PIEZO2: variants seen among roughly 807,000 people sequenced by gnomAD.
PIEZO2 encodes the protein piezo-type mechanosensitive ion channel component 2.
PIEZO2 carries 172 observed loss-of-function variants against 337.3 expected under a neutral mutation model. That is an observed-to-expected ratio of 0.51 (90% confidence interval 0.45 to 0.58). The LOEUF (loss-of-function observed/expected upper bound fraction) is 0.58. Among genes scored for constraint, PIEZO2 ranks in the 20% least tolerant of loss-of-function variants. The pLI, the probability that PIEZO2 is intolerant of heterozygous loss-of-function variation, is 0.00. For synonymous variants in PIEZO2, 1,251 were observed against 1,228.5 expected (o/e 1.02, Z -0.38); for missense variants, 3,028 against 3,391.3 (o/e 0.89, Z 2.66).
intron 2 of PIEZO2, among the ~76,000 whole-genome samples, chr18:11,059,989 T>G (rs1223799590): frequency 6.6e-6 from 1 of 152,134 alleles, no homozygotes; most frequent in Non-Finnish European, 1.5e-5. Context: ...TATTCCAAAA[T>G]TGACCACATA....
At chr18:10,896,888 T>G (rs2042916393) in intron 4 of PIEZO2, among the ~76,000 whole-genome samples, 1 of 152,230 alleles carries the variant, frequency 6.6e-6, no homozygotes, top group Non-Finnish European at 1.5e-5. Flanking sequence ...AGGTGTGGTA[T>G]GCAGGATTGT....
In PIEZO2 at chr18:11,149,129, G is replaced by T. The variant is rs886563483; in HGVS notation, c.-541C>A. Among the ~76,000 whole-genome samples, 1 of 152,114 alleles carries T rather than the reference G, an allele frequency of 6.6e-6. No homozygotes were observed. The highest frequency in any genetic ancestry group is 2.4e-5 in the African/African-American group (1 of 41,448). On this transcript the variant is annotated 5_prime_UTR_variant, in exon 1 of 56. Coordinates refer to ENST00000674853, the MANE Select transcript of PIEZO2 (RefSeq NM_001378183.1). This position sits in a 1 kb window ranked among gnomAD's most constrained non-coding sequence, Gnocchi z 8.7. ...ACGCAGGCTGCCGCGCTCTGGCCTC[G>T]GCCCCGGCTCTCGGAGCTGCCCGGC...
At chr18:10,852,668 T>C (rs1802182952) in intron 7 of PIEZO2, among the ~76,000 whole-genome samples, 1 of 152,182 alleles carries the variant, frequency 6.6e-6, no homozygotes, top group Admixed American at 6.5e-5. Context: ...ATGGTAATAA[T>C]ATTCATGTTC....
Position 11,031,230 on chromosome 18 carries a change from A to C in PIEZO2, c.160+34897T>G, listed in dbSNP as rs2036727205. 6.7e-6 allele frequency among the ~76,000 whole-genome samples: 1 copy of C among 149,944 alleles called. No homozygotes were observed. The highest frequency in any genetic ancestry group is 1.5e-5 in the Non-Finnish European group (1 of 67,664). ...TAGCCAGGATGGTCTCAATCTCCTG[A>C]CCTCGTGATCCACCCACCTCAGCCT... On this transcript the variant is annotated intron_variant, in intron 2 of 55. Transcript: ENST00000674853. The surrounding 1 kb of genome is among the most constrained non-coding windows in gnomAD (Gnocchi z 4.7).
chr18:10,824,024 C>G lies in PIEZO2; in HGVS notation c.918-16750G>C, dbSNP rs1461055286. The stretch of plus-strand genomic sequence containing the variant: ...GCCTTATCCTAAGGTCAGTGTATAT[C>G]ATTCCCATGAATATTTAACTCACTT... On this transcript the variant is annotated intron_variant, in intron 7 of 55. Coordinates refer to ENST00000674853, the MANE Select transcript of PIEZO2 (RefSeq NM_001378183.1). The surrounding 1 kb of genome is among the most constrained non-coding windows in gnomAD (Gnocchi z 4.4). 6.6e-6 allele frequency among the ~76,000 whole-genome samples: 1 copy of G among 152,200 alleles called. No homozygotes were observed. The highest frequency in any genetic ancestry group is 2.4e-5 in the African/African-American group (1 of 41,456).
intron 35 of PIEZO2, among the ~76,000 whole-genome samples, chr18:10,734,321 G>T (rs1051136998): frequency 5.9e-5 from 9 of 152,206 alleles, no homozygotes; most frequent in African/African-American, 2.2e-4. Context: ...GGTGTGGATG[G>T]TGCTACTCAA....
At position 11,143,633 on chromosome 18, in the gene PIEZO2, A is replaced by ACTCTCTCTCT. The variant is rs1380540646; in HGVS notation, c.64+4891_64+4892insAGAGAGAGAG. On this transcript the variant is annotated intron_variant, in intron 1 of 55. Transcript: ENST00000674853. This position sits in a 1 kb window ranked among gnomAD's most constrained non-coding sequence, Gnocchi z 4.9. ...CACACACACACACACACACACACAC[A>ACTCTCTCTCT]CACACACTCTCTCTCTCTCTCTCTC... Among the ~76,000 whole-genome samples, 2 of 68,926 alleles carry ACTCTCTCTCT rather than the reference A, an allele frequency of 2.9e-5. No individual in the cohort carries two copies. Among genetic ancestry groups the ACTCTCTCTCT allele is most frequent in the African/African-American group, 1.6e-4 (2 of 12,374 alleles). 45.2% of individuals were successfully genotyped at this position (68,926 alleles called of 152,430 possible). A position where few individuals can be genotyped will look rare whatever the true frequency, so the allele number is the denominator to read the frequency against.
intron 54 of PIEZO2, among the ~76,000 whole-genome samples, chr18:10,674,383 C>T (rs560511127): frequency 3.4e-4 from 52 of 152,356 alleles, no homozygotes; most frequent in South Asian, 1.9e-3. Context: ...CTTCTTAATG[C>T]GTCTTGCAAA....
At position 10,762,571 on chromosome 18, in the gene PIEZO2, A is replaced by G. The variant is rs190286971; in HGVS notation, c.3178T>C (p.Tyr1060His). The change falls in exon 23 of 56, where the codon TAC (tyrosine) becomes CAC (histidine). Residue 1060 changes from tyrosine to histidine, a missense_variant. This residue lies in a region of PIEZO2 where 1,925 missense variants were observed against 2,051.9 expected (regional missense o/e 0.94). Coordinates refer to ENST00000674853, the MANE Select transcript of PIEZO2 (RefSeq NM_001378183.1). Reference protein sequence around the residue: ...PFNELNKSLLYSAPIDPTEWV... With the variant: ...PFNELNKSLLHSAPIDPTEWV... ...TCTGTAGGATCGATAGGAGCGCTGT[A>G]GAGCAGAGACTTGTTCAACTCATTA... 1.3e-6 allele frequency: 2 copies of G among 1,537,526 alleles called. No homozygotes were observed. Among genetic ancestry groups the G allele is most frequent in the Non-Finnish European group, 1.7e-6 (2 of 1,146,952 alleles).
intron 4 of PIEZO2, among the ~76,000 whole-genome samples, chr18:10,879,804 A>G (rs2042365984): frequency 6.6e-6 from 1 of 152,206 alleles, no homozygotes; most frequent in African/African-American, 2.4e-5. Context: ...GTCCATAAAG[A>G]GGAGACTAGG....
At chr18:10,741,209 A>G in intron 32 of PIEZO2, 107 bp from the exon 33 acceptor site, 1 of 944,276 alleles carries the variant, frequency 1.1e-6, no homozygotes, top group Non-Finnish European at 1.5e-6. Flanking sequence ...TTGCAAAAGT[A>G]TATCAGAGGT....
At chr18:10,684,047 ACCCT>A (rs796883471) in intron 49 of PIEZO2, among the ~76,000 whole-genome samples, 10 of 106,020 alleles carry the variant, frequency 9.4e-5, no homozygotes, top group African/African-American at 2.5e-4. Context: ...CCTTCCTCCT[ACCCT>A]CCCTCCCTCC....
chr18:11,138,593 C>T (rs1328732970), intron 1 of PIEZO2, among the ~76,000 whole-genome samples: 1 of 152,208 alleles, frequency 6.6e-6, no homozygotes, highest in East Asian at 1.9e-4. Context: ...CCACACCCAG[C>T]TCAAAAGATG....
intron 17 of PIEZO2, among the ~76,000 whole-genome samples, chr18:10,782,281 TAATATA>T (rs1294246713): frequency 3.3e-4 from 10 of 30,382 alleles, no homozygotes; most frequent in Admixed American, 1.7e-3. Context: ...AACAATTATA[TAATATA>T]ATTATAATTA....
Position 10,856,528 on chromosome 18 carries a change from G to A in PIEZO2, c.703+473C>T, listed in dbSNP as rs747125853. ...AGTCCAAAATTTAAAGGAAGTGAGC[G>A]TCTGTGCTGGAAGATTACAATCTAA... On this transcript the variant is annotated intron_variant, in intron 6 of 55. Transcript: ENST00000674853. This position sits in a 1 kb window ranked among gnomAD's most constrained non-coding sequence, Gnocchi z 4.7. Among the ~76,000 whole-genome samples the A allele has an allele frequency of 4.6e-5, 7 of 152,146 alleles. No individual in the cohort carries two copies. The highest frequency in any genetic ancestry group is 1.2e-4 in the African/African-American group (5 of 41,426).
chr18:10,873,048 C>A (rs1186057379), intron 4 of PIEZO2, among the ~76,000 whole-genome samples: 2 of 152,124 alleles, frequency 1.3e-5, no homozygotes, highest in Non-Finnish European at 2.9e-5. Flanking sequence ...TAAATACATA[C>A]ACACATATAT....
intron 3 of PIEZO2, among the ~76,000 whole-genome samples, chr18:10,972,398 G>A (rs763150265): frequency 7.9e-5 from 12 of 152,206 alleles, no homozygotes; most frequent in Admixed American, 1.3e-4. Context: ...GGTAGGTGCC[G>A]GAATGAGAAG....
At chr18:10,683,424 C>A (rs1463827673) in intron 49 of PIEZO2, among the ~76,000 whole-genome samples, 1 of 152,214 alleles carries the variant, frequency 6.6e-6, no homozygotes, top group Non-Finnish European at 1.5e-5. Flanking sequence ...TAAGGCAATG[C>A]ACCCTATGGA....
intron 2 of PIEZO2, among the ~76,000 whole-genome samples, chr18:11,057,158 G>A (rs1396613066): frequency 6.6e-6 from 1 of 152,028 alleles, no homozygotes; most frequent in Non-Finnish European, 1.5e-5. Flanking sequence ...CTCCTGGATG[G>A]CTCTCGTTCT....
Sources: gnomAD v4.1 joint callset for allele counts (sites outside exome capture counted in the v4.1 genomes callset) on GRCh38, gnomAD v4.1.1 for gene constraint, gnomAD v4.1.1 regional missense constraint, Gnocchi (gnomAD v3.1) non-coding constraint, MANE v1.5 for transcripts, NCBI Gene and HGNC (gene_info 2026-07-23, HGNC 2026-07-21) for gene names.